Variants in CASK observed in about 807,000 individuals in gnomAD.
CASK encodes the protein calcium/calmodulin dependent serine protein kinase, also known as peripheral plasma membrane protein CASK.
Under a neutral mutation model 82.9 loss-of-function variants are expected in CASK, and 4 were observed. The ratio of observed to expected loss-of-function variants is 0.05; its 90% confidence interval spans 0.02 to 0.11. CASK has a LOEUF of 0.11. Among genes scored for constraint, CASK ranks in the 10% least tolerant of loss-of-function variants. The pLI is 1.00. For synonymous variants in CASK, 259 were observed against 253.5 expected (o/e 1.02, Z -0.20); for missense variants, 358 against 720.9 (o/e 0.50, Z 5.76).
rs762727964 is a variant in CASK, at chrX:41,816,151, T to TA, written c.173-28869dup. Among the ~76,000 whole-genome samples, 132 of 111,476 alleles carry TA rather than the reference T, an allele frequency of 1.2e-3. 2 individuals carry two copies. Among genetic ancestry groups the TA allele is most frequent in the African/African-American group, 4.2e-3 (128 of 30,707 alleles). On this transcript the variant is annotated intron_variant, in intron 2 of 26. Transcript: ENST00000378163. ...AAAGGCATGAGCCACTGTGCCCAGC[T>TA]AAAAAAACAAAATTTTTTAATTCAG...
intron 22 of CASK, among the ~76,000 whole-genome samples, chrX:41,539,536 C>T (rs2064920023): frequency 8.9e-6 from 1 of 111,852 alleles, no homozygotes; most frequent in Admixed American, 9.6e-5. Flanking sequence ...GATCTGTGGC[C>T]CATGAGCCCA....
chrX:41,829,734 T>TATATATATATAC lies in CASK; in HGVS notation c.172+23380_172+23381insGTATATATATAT, dbSNP rs2070754433. On this transcript the variant is annotated intron_variant, in intron 2 of 26. Coordinates refer to ENST00000378163, the MANE Select transcript of CASK (RefSeq NM_001367721.1). ...ATATATATATATATATATATATATA[T>TATATATATATAC]ATATATATATATATATATATATGTC... Among the ~76,000 whole-genome samples, 23 of 29,664 alleles carry TATATATATATAC rather than the reference T, an allele frequency of 7.8e-4. 1 individual carries two copies. The highest frequency in any genetic ancestry group is 1.3e-3 in the Non-Finnish European group (20 of 15,570). The allele number at this position is 29,664 out of a possible 115,157, so 25.8% of individuals were successfully genotyped here.
At chrX:41,715,409 C>A (rs1178204331) in intron 5 of CASK, among the ~76,000 whole-genome samples, 2 of 111,357 alleles carry the variant, frequency 1.8e-5, no homozygotes, top group Non-Finnish European at 3.8e-5. Flanking sequence ...CACCTGAGGT[C>A]AGGAGTTTGA....
intron 25 of CASK, among the ~76,000 whole-genome samples, chrX:41,529,055 G>C (rs979769644): frequency 2.7e-5 from 3 of 112,377 alleles, no homozygotes; most frequent in African/African-American, 9.7e-5. Flanking sequence ...TATCCCCAGG[G>C]CCGCTGGCCC....
At chrX:41,672,610 G>C (rs980960598) in intron 5 of CASK, among the ~76,000 whole-genome samples, 1 of 111,833 alleles carries the variant, frequency 8.9e-6, no homozygotes, top group Non-Finnish European at 1.9e-5. Context: ...TACTGAGCTG[G>C]TACACCTGTG....
chrX:41,830,543 G>A (rs181623593), intron 2 of CASK, among the ~76,000 whole-genome samples: 36 of 111,406 alleles, frequency 3.2e-4, no homozygotes, highest in African/African-American at 9.1e-4. Flanking sequence ...ATAGATGGCC[G>A]GGTGCGGTGG....
chrX:41,888,789 GTA>G (rs1244667146), intron 1 of CASK, among the ~76,000 whole-genome samples: 11 of 103,169 alleles, frequency 1.1e-4, no homozygotes, highest in South Asian at 8.1e-4. Flanking sequence ...ACATGTATGT[GTA>G]TATATATGTA....
At chrX:41,740,167 G>A (rs2068570340) in intron 4 of CASK, among the ~76,000 whole-genome samples, 1 of 111,806 alleles carries the variant, frequency 8.9e-6, no homozygotes, top group African/African-American at 3.2e-5. Flanking sequence ...TGTGACAAGA[G>A]CAGTTGATTC....
chrX:41,600,256 A>G (rs748130544), intron 12 of CASK, among the ~76,000 whole-genome samples: 29 of 112,221 alleles, frequency 2.6e-4, no homozygotes, highest in Non-Finnish European at 4.3e-4. Flanking sequence ...TGTCATGAAA[A>G]ATTTAAAGAG....
intron 9 of CASK, among the ~76,000 whole-genome samples, chrX:41,633,056 A>AAAT (rs1324014048): frequency 1.0e-3 from 88 of 86,334 alleles, no homozygotes; most frequent in African/African-American, 2.6e-3. Flanking sequence ...AAAAAAAAAA[A>AAAT]AATAATAATA....
At chrX:41,552,497 A>C (rs1234131535) in intron 21 of CASK, 2 of 111,780 alleles carry the variant, frequency 1.8e-5, no homozygotes, top group South Asian at 3.7e-4. Context: ...AATTATTTTC[A>C]ATAAATGCCC....
chrX:41,739,749 T>G (rs1284857846), intron 4 of CASK, among the ~76,000 whole-genome samples: 1 of 112,511 alleles, frequency 8.9e-6, no homozygotes, highest in African/African-American at 3.2e-5. Flanking sequence ...AATTCAAGCT[T>G]AAAACATGAC....
intron 5 of CASK, among the ~76,000 whole-genome samples, chrX:41,718,685 T>A (rs930657383): frequency 2.7e-5 from 3 of 111,983 alleles, no homozygotes; most frequent in African/African-American, 9.7e-5. Flanking sequence ...TACCCTCAAT[T>A]GGCATTGTTA....
In CASK at chrX:41,534,980, C is replaced by T. The variant is rs370722454; in HGVS notation, c.2156-7G>A. 4.3e-5 allele frequency: 48 copies of T among 1,125,815 alleles called. No individual in the cohort carries two copies. The highest frequency in any genetic ancestry group is 2.0e-4 in the Admixed American group (9 of 44,655). The allele number at this position is 1,125,815 out of a possible 1,213,427, so 92.8% of individuals were successfully genotyped here. On this transcript the variant is annotated splice_polypyrimidine_tract_variant and splice_region_variant and intron_variant, in intron 22 of 26. Transcript: ENST00000378163. ...AGATCTAATTGATCAAACACTAAAA[C>T]GCAAAGATTTAGAAGAAAGGTAAAT...
intron 15 of CASK, among the ~76,000 whole-genome samples, chrX:41,570,320 T>G (rs755067202): frequency 2.1e-4 from 24 of 111,785 alleles, no homozygotes; most frequent in African/African-American, 7.8e-4. Flanking sequence ...GCCTGGCCGA[T>G]AGTGCTTTTA....
intron 3 of CASK, among the ~76,000 whole-genome samples, chrX:41,782,956 C>A (rs1238772950): frequency 9.0e-6 from 1 of 111,077 alleles, no homozygotes; most frequent in East Asian, 2.8e-4. Flanking sequence ...ACCAGCCTGG[C>A]CAACATGATG....
chrX:41,666,607 T>A (rs973115718), intron 6 of CASK, among the ~76,000 whole-genome samples: 1 of 112,099 alleles, frequency 8.9e-6, no homozygotes, highest in African/African-American at 3.2e-5. Context: ...TCAGTTGGGA[T>A]GCAGAAAGAT....
intron 13 of CASK, among the ~76,000 whole-genome samples, chrX:41,588,902 GAC>G (rs1279559536): frequency 9.0e-6 from 1 of 111,368 alleles, no homozygotes; most frequent in African/African-American, 3.3e-5. Context: ...GGTTAAAAAA[GAC>G]ACATTTTGAT....
intron 5 of CASK, among the ~76,000 whole-genome samples, chrX:41,672,610 G>A (rs980960598): frequency 1.8e-5 from 2 of 111,833 alleles, no homozygotes; most frequent in Non-Finnish European, 3.8e-5. Context: ...TACTGAGCTG[G>A]TACACCTGTG....
Sources: allele counts gnomAD v4.1 joint callset (sites outside exome capture counted in the v4.1 genomes callset), GRCh38; gene constraint gnomAD v4.1.1; transcripts MANE v1.5; gene names NCBI Gene and HGNC (gene_info 2026-07-23, HGNC 2026-07-21).